CDH12: variants seen among roughly 807,000 people sequenced by gnomAD.
CDH12 encodes the protein cadherin-12.
CDH12 carries 41 observed loss-of-function variants against 74.1 expected under a neutral mutation model. The ratio of observed to expected loss-of-function variants is 0.55; its 90% CI spans 0.43 to 0.72. The LOEUF is 0.72. CDH12 is among the 30% of genes least tolerant of loss of function. CDH12 has a pLI of 0.00. For missense variants in CDH12, 945 were observed against 977.2 expected, an observed-to-expected ratio of 0.97 and a Z score of 0.44; for synonymous variants, 399 against 355.0, an observed-to-expected ratio of 1.12 and a Z score of -1.39.
chr5:22,089,713 C>T (rs945732697), intron 4 of CDH12, among the ~76,000 whole-genome samples: 1 of 151,526 alleles, frequency 6.6e-6, no homozygotes, highest in African/African-American at 2.4e-5. Context: ...AAATCAACTG[C>T]AGAAAAAAAA....
intron 3 of CDH12, among the ~76,000 whole-genome samples, chr5:22,263,278 C>T (rs2150395284): frequency 6.6e-6 from 1 of 152,088 alleles, no homozygotes; most frequent in East Asian, 1.9e-4. Context: ...CATTCAGAGC[C>T]TGTAAGGCAA....
At chr5:22,373,098 G>C (rs1741367440) in intron 3 of CDH12, among the ~76,000 whole-genome samples, 1 of 152,016 alleles carries the variant, frequency 6.6e-6, no homozygotes, top group Non-Finnish European at 1.5e-5. Context: ...CCATAACAAG[G>C]GCACCTGAGG....
chr5:22,143,908 T>C (rs1255356707), intron 4 of CDH12: 2 of 152,328 alleles, frequency 1.3e-5, no homozygotes, highest in African/African-American at 2.4e-5. Context: ...GTAAGAAACA[T>C]TTAAATTTTC....
chr5:22,632,926 A>T (rs1462441074), intron 1 of CDH12, among the ~76,000 whole-genome samples: 2 of 151,396 alleles, frequency 1.3e-5, no homozygotes, highest in African/African-American at 2.4e-5. Context: ...TCAAAAGCAG[A>T]AAAAAAAAGA....
intron 2 of CDH12, among the ~76,000 whole-genome samples, chr5:22,447,049 T>C (rs1459875450): frequency 6.6e-6 from 1 of 152,062 alleles, no homozygotes; most frequent in African/African-American, 2.4e-5. Context: ...ACTAAGTATA[T>C]TTACCATCAT....
Position 22,329,473 on chromosome 5 carries a change from A to G in CDH12, c.-333+75784T>C, listed in dbSNP as rs543268413. Among the ~76,000 whole-genome samples, 50 of 152,344 alleles carry G rather than the reference A, an allele frequency of 3.3e-4. No homozygotes were observed. The East Asian group carries it at 9.5e-3, about 29-fold the overall frequency. On this transcript the variant is annotated intron_variant, in intron 3 of 14. Transcript: ENST00000382254. ...GAGCAAGATGGAAGAATAGAAGCTTACATCATTTGTTCCCGCTGCCACTAG... is the reference window on the plus strand; with the variant it reads ...GAGCAAGATGGAAGAATAGAAGCTTGCATCATTTGTTCCCGCTGCCACTAG...
intron 1 of CDH12, among the ~76,000 whole-genome samples, chr5:22,842,449 G>A (rs988261111): frequency 2.0e-5 from 3 of 152,082 alleles, no homozygotes; most frequent in Admixed American, 6.6e-5. Context: ...CCATTAGAGT[G>A]TATGCAAGAG....
rs184334434 is a variant in CDH12 at position 21,943,160 on chromosome 5, C to A, written c.526+31931G>T. The stretch of plus-strand genomic sequence containing the variant: ...GTAAGTTCCCTGAGGCCTCCCCAGC[C>A]ATGCAGAACTGTGAGTCAATTAAGC... On this transcript the variant is annotated intron_variant, in intron 6 of 14. Transcript: ENST00000382254. Among the ~76,000 whole-genome samples the A allele has an allele frequency of 2.5e-3, 374 of 152,286 alleles. 1 individual carries two copies. The highest frequency in any genetic ancestry group is 8.5e-3 in the African/African-American group (355 of 41,556).
intron 6 of CDH12, among the ~76,000 whole-genome samples, chr5:21,959,858 G>A (rs1424560532): frequency 2.0e-5 from 3 of 149,646 alleles, no homozygotes; most frequent in Non-Finnish European, 4.4e-5. Context: ...CCCGGGAGGC[G>A]GAGATTGCAG....
At chr5:21,783,635 C>T (rs1242172596) in intron 10 of CDH12, 141 bp from the exon 11 acceptor site, 3 of 633,296 alleles carry the variant, frequency 4.7e-6, no homozygotes, top group South Asian at 2.0e-5. Flanking sequence ...TAAATGACAG[C>T]TTCTTTATTG....
intron 4 of CDH12, among the ~76,000 whole-genome samples, chr5:22,106,927 T>C (rs1227707001): frequency 6.6e-6 from 1 of 152,142 alleles, no homozygotes; most frequent in Non-Finnish European, 1.5e-5. Flanking sequence ...AAAAATCTAA[T>C]AGATGAGCCT....
At chr5:22,392,982 A>T (rs1188707353) in intron 3 of CDH12, among the ~76,000 whole-genome samples, 1 of 152,082 alleles carries the variant, frequency 6.6e-6, no homozygotes, top group Non-Finnish European at 1.5e-5. Context: ...TTTTTTTCTC[A>T]CATAGATACC....
At chr5:22,620,313 G>C (rs958026042) in intron 1 of CDH12, among the ~76,000 whole-genome samples, 7 of 152,112 alleles carry the variant, frequency 4.6e-5, no homozygotes, top group African/African-American at 1.7e-4. Flanking sequence ...ATGAAGAATT[G>C]TAGTAAGAAA....
intron 10 of CDH12, among the ~76,000 whole-genome samples, chr5:21,790,019 T>G (rs1345835937): frequency 2.6e-5 from 4 of 152,132 alleles, no homozygotes; most frequent in African/African-American, 9.7e-5. Flanking sequence ...GCTTTAAGAC[T>G]GTCTTATTTG....
intron 1 of CDH12, among the ~76,000 whole-genome samples, chr5:22,589,886 T>C (rs1740593944): frequency 6.6e-6 from 1 of 152,194 alleles, no homozygotes; most frequent in Admixed American, 6.5e-5. Context: ...AATTTATATC[T>C]AATGTAAGCC....
intron 5 of CDH12, among the ~76,000 whole-genome samples, chr5:22,007,472 A>G (rs1737037127): frequency 6.6e-6 from 1 of 152,140 alleles, no homozygotes; most frequent in Admixed American, 6.5e-5. Flanking sequence ...TTAAAAAAAT[A>G]GTAAAATGAT....
At chr5:22,350,550 C>T (rs1210911569) in intron 3 of CDH12, among the ~76,000 whole-genome samples, 1 of 152,090 alleles carries the variant, frequency 6.6e-6, no homozygotes, top group Non-Finnish European at 1.5e-5. Context: ...CCAAGTATCT[C>T]CATAGGGTTT....
chr5:22,638,251 T>C (rs1738942086), intron 1 of CDH12, among the ~76,000 whole-genome samples: 2 of 152,084 alleles, frequency 1.3e-5, no homozygotes, highest in African/African-American at 4.8e-5. Flanking sequence ...GTCTGCAAAC[T>C]GAGGAGCAAG....
chr5:22,018,364 G>GT (rs1157153173), intron 5 of CDH12, among the ~76,000 whole-genome samples: 1 of 151,688 alleles, frequency 6.6e-6, no homozygotes, highest in Non-Finnish European at 1.5e-5. Flanking sequence ...CTTAAAATCT[G>GT]TAAGAAAGGT....
Sources: allele counts gnomAD v4.1 joint callset (sites outside exome capture counted in the v4.1 genomes callset), GRCh38; gene constraint gnomAD v4.1.1; transcripts MANE v1.5; gene names NCBI Gene and HGNC (gene_info 2026-07-23, HGNC 2026-07-21).